CHRD: variants seen among roughly 807,000 people sequenced by gnomAD.
The protein encoded by CHRD is chordin.
In CHRD, 69 loss-of-function variants were observed where a neutral mutation model predicts 113.7. That is an observed-to-expected ratio of 0.61 (90% CI 0.50 to 0.74). CHRD has a LOEUF of 0.74. Ranked by LOEUF, CHRD falls within the 30% of genes least tolerant of loss-of-function variation. CHRD has a pLI of 0.00. For missense variants in CHRD, 1,194 were observed against 1,295.8 expected (o/e 0.92, Z 1.21); for synonymous variants, 561 against 540.8 (o/e 1.04, Z -0.52).
chr3:184,381,910 C>T lies in CHRD; in HGVS notation c.612-23C>T. 1 of 1,613,922 alleles carries T rather than the reference C, an allele frequency of 6.2e-7. No individual in the cohort carries two copies. The highest frequency in any genetic ancestry group is 8.5e-7 in the Non-Finnish European group (1 of 1,179,996). On this transcript the variant is annotated intron_variant, in intron 5 of 22. Transcript: ENST00000204604. This position sits in a 1 kb window ranked among gnomAD's most constrained non-coding sequence, Gnocchi z 4.7. ...GGGGCTGCTTTTGGCTCAGTCCGGC[C>T]TCACCCGACCTCTCATTCCCAGGCT...
rs372090271 is a variant in CHRD, at chr3:184,387,145, G to A, written c.2347+38G>A. ...GGTGCGTGCAGGGTGGGAGGCCCCA[G>A]AGGAGCCATTAGGTTGAACCAGGAG... On this transcript the variant is annotated intron_variant, in intron 18 of 22. Transcript: ENST00000204604. The surrounding 1 kb of genome is among the most constrained non-coding windows in gnomAD (Gnocchi z 6.1). 103 of 1,592,394 alleles carry A rather than the reference G, an allele frequency of 6.5e-5. No individual in the cohort carries two copies. The African/African-American group carries it at 1.1e-3, about 17-fold the overall frequency.
At position 184,380,748 on chromosome 3, in the gene CHRD, G is replaced by A. The variant is rs766189404; in HGVS notation, c.205G>A (p.Gly69Arg). ...GGACGAGACGTGGCACCCGGACCTA[G>A]GGGAGCCATTCGGGGTGATGCGCTG... The change falls in exon 2 of 23, where the codon GGG becomes AGG. Residue 69 changes from glycine to arginine, a missense_variant. Transcript: ENST00000204604. This position sits in a 1 kb window ranked among gnomAD's most constrained non-coding sequence, Gnocchi z 6.3. 1 of 1,600,452 alleles carries A rather than the reference G, an allele frequency of 6.2e-7. No individual in the cohort carries two copies. Among genetic ancestry groups the A allele is most frequent in the South Asian group, 1.1e-5 (1 of 90,264 alleles).
Position 184,380,870 on chromosome 3 carries a change from C to A in CHRD, c.252+75C>A, listed in dbSNP as rs1224614090. The A allele has an allele frequency of 2.6e-6, 3 of 1,152,732 alleles. No homozygotes were observed. Among genetic ancestry groups the A allele is most frequent in the Non-Finnish European group, 3.7e-6 (3 of 815,700 alleles). 71.4% of individuals were successfully genotyped at this position (1,152,732 alleles called of 1,614,324 possible). ...GGTCGCGCGGGCGTCGGAGTGGACT[C>A]GGAGCTGCTGAGAAGGAGCCCAGTC... On this transcript the variant is annotated intron_variant, in intron 2 of 22. Transcript: ENST00000204604. The surrounding 1 kb of genome is among the most constrained non-coding windows in gnomAD (Gnocchi z 6.3).
In CHRD at chr3:184,383,296, T is replaced by C; in HGVS notation, c.1214-16T>C. The C allele has an allele frequency of 6.2e-7, 1 of 1,610,148 alleles. No homozygotes were observed. On this transcript the variant is annotated splice_polypyrimidine_tract_variant and intron_variant, in intron 10 of 22. Transcript: ENST00000204604. ...CATGGGGTAAACCTAGCCTCACCTG[T>C]CTTGCCCCTCCGTAGTCCTGCAAAG...
At position 184,388,885 on chromosome 3, in the gene CHRD, T is replaced by C. The variant is rs967233860; in HGVS notation, c.2710-8T>C. 6.2e-7 allele frequency: 1 copy of C among 1,612,252 alleles called. No homozygotes were observed. ...GGGACACTCAGTGTCTGCTCTGTCT[T>C]GTACCAGGCAGGGGTGCCTCACTGT... On this transcript the variant is annotated splice_polypyrimidine_tract_variant and splice_region_variant and intron_variant, in intron 21 of 22. Transcript: ENST00000204604. This position sits in a 1 kb window ranked among gnomAD's most constrained non-coding sequence, Gnocchi z 6.1.
Position 184,388,766 on chromosome 3 carries a change from T to A in CHRD, c.2709+25T>A. On this transcript the variant is annotated intron_variant, in intron 21 of 22. Transcript: ENST00000204604. The surrounding 1 kb of genome is among the most constrained non-coding windows in gnomAD (Gnocchi z 6.1). ...GGTAAGTGGGGAGCAGAGGCTTGTG[T>A]GAGGTGGGTACTGGGAGCCTGGTCT... The A allele has an allele frequency of 6.2e-7, 1 of 1,612,832 alleles. No individual in the cohort carries two copies. Among genetic ancestry groups the A allele is most frequent in the Non-Finnish European group, 8.5e-7 (1 of 1,179,282 alleles).
At chr3:184,385,638 C>T (rs1036228041) in intron 14 of CHRD, among the ~76,000 whole-genome samples, 2 of 130,792 alleles carry the variant, frequency 1.5e-5, no homozygotes, top group African/African-American at 2.9e-5. Context: ...TGCACTCCAG[C>T]CTGGACAGAA....
rs3064288 is a variant in CHRD, at chr3:184,388,237, GTCCATCCATCCATCCATCCATCCATCCA to G, written c.2554+224_2554+251del. On this transcript the variant is annotated intron_variant, in intron 20 of 22. Coordinates refer to ENST00000204604, the Ensembl canonical transcript of CHRD. This position sits in a 1 kb window ranked among gnomAD's most constrained non-coding sequence, Gnocchi z 6.1. Reference sequence around the variant, plus strand: ...GTTCTGGTTCCTGCTCCATCCATCCGTCCATCCATCCATCCATCCATCCATCCATCCATCCATCCATCCATCCGTCCAT... The same window carrying G: ...GTTCTGGTTCCTGCTCCATCCATCCGTCCATCCATCCATCCATCCGTCCAT... Among the ~76,000 whole-genome samples the G allele has an allele frequency of 7.2e-6, 1 of 137,958 alleles. No individual in the cohort carries two copies. Among genetic ancestry groups the G allele is most frequent in the East Asian group, 2.3e-4 (1 of 4,426 alleles). 90.5% of individuals were successfully genotyped at this position (137,958 alleles called of 152,430 possible).
rs1560312042 is a variant in CHRD at position 184,387,230 on chromosome 3, G to A, written c.2347+123G>A. 2.4e-6 allele frequency: 3 copies of A among 1,266,530 alleles called. No individual in the cohort carries two copies. Among genetic ancestry groups the A allele is most frequent in the Non-Finnish European group, 3.4e-6 (3 of 884,934 alleles). 78.5% of individuals were successfully genotyped at this position (1,266,530 alleles called of 1,614,324 possible). ...CTGAGGGGCACAGATTCCAAGTGAT[G>A]CCTGACAGGACTCATTAGTGTTACT... On this transcript the variant is annotated intron_variant, in intron 18 of 22. Coordinates refer to ENST00000204604, the Ensembl canonical transcript of CHRD. This position sits in a 1 kb window ranked among gnomAD's most constrained non-coding sequence, Gnocchi z 6.1.
chr3:184,387,859 A>C lies in CHRD; in HGVS notation c.2452-72A>C. On this transcript the variant is annotated intron_variant, in intron 19 of 22. Coordinates refer to ENST00000204604, the Ensembl canonical transcript of CHRD. The surrounding 1 kb of genome is among the most constrained non-coding windows in gnomAD (Gnocchi z 6.1). ...CAGAGAGACTGCATTTGAGGTGTGG[A>C]ATAGGAGAGGGAGTGGGCAGGAGGC... The C allele has an allele frequency of 2.2e-6, 3 of 1,335,718 alleles. No homozygotes were observed. The highest frequency in any genetic ancestry group is 3.2e-6 in the Non-Finnish European group (3 of 946,574). The allele number at this position is 1,335,718 out of a possible 1,614,324, so 82.7% of individuals were successfully genotyped here. A position where few individuals can be genotyped will look rare whatever the true frequency, so the allele number is the denominator to read the frequency against.
At chr3:184,382,469 A>T in exon 7 of CHRD, 1 of 1,613,344 alleles carries the variant, frequency 6.2e-7, no homozygotes, top group Non-Finnish European at 8.5e-7. Context: ...CACTTGTGAC[A>T]CTCACTCACC....
chr3:184,382,119 A>G, intron 6 of CHRD, 99 bp downstream of exon 6: 1 of 1,484,272 alleles, frequency 6.7e-7, no homozygotes, highest in South Asian at 1.2e-5. Flanking sequence ...GCCCAGTGGG[A>G]GGAAGGCACT....
chr3:184,386,396 C>T, intron 15 of CHRD, 96 bp from the exon 16 acceptor site: 2 of 1,486,086 alleles, frequency 1.3e-6, no homozygotes, highest in South Asian at 1.3e-5. Context: ...CTGCAGCGCT[C>T]AGGGGGCCGA....
chr3:184,388,820 C>T lies in CHRD; in HGVS notation c.2710-73C>T. On this transcript the variant is annotated intron_variant, in intron 21 of 22. Coordinates refer to ENST00000204604, the Ensembl canonical transcript of CHRD. This position sits in a 1 kb window ranked among gnomAD's most constrained non-coding sequence, Gnocchi z 6.1. Reference sequence around the variant, plus strand: ...GTAGGGAGACCTTCCCAGGGAGGTCCCTGAAGAAGCTGAAGGTCACTGTGT... The same window carrying T: ...GTAGGGAGACCTTCCCAGGGAGGTCTCTGAAGAAGCTGAAGGTCACTGTGT... 15 of 1,603,400 alleles carry T rather than the reference C, an allele frequency of 9.4e-6. No individual in the cohort carries two copies. Among genetic ancestry groups the T allele is most frequent in the Non-Finnish European group, 1.3e-5 (15 of 1,171,972 alleles).
At chr3:184,386,399 G>GTCTCCT in intron 15 of CHRD, 93 bp from the exon 16 acceptor site, 1 of 1,493,348 alleles carries the variant, frequency 6.7e-7, no homozygotes, top group Non-Finnish European at 8.9e-7. Context: ...CAGCGCTCAG[G>GTCTCCT]GGGCCGAGGT....
chr3:184,381,780 G>GCGCT lies in CHRD; in HGVS notation c.578_581dup (p.Ser195LeufsTer2). The GCGCT allele has an allele frequency of 6.2e-7, 1 of 1,613,276 alleles. No individual in the cohort carries two copies. Among genetic ancestry groups the GCGCT allele is most frequent in the Non-Finnish European group, 8.5e-7 (1 of 1,179,946 alleles). On this transcript the variant is annotated frameshift_variant, in exon 5 of 23. Transcript: ENST00000204604. LOFTEE classifies it high-confidence loss of function. The surrounding 1 kb of genome is among the most constrained non-coding windows in gnomAD (Gnocchi z 4.7). ...TGGCACGAGCCCGAGTCTCGCTGCT[G>GCGCT]CGCTCTAGCCTCCGCTTCTCTATCT...
At position 184,388,421 on chromosome 3, in the gene CHRD, A is replaced by G. The variant is rs1296555501; in HGVS notation, c.2555-166A>G. Among the ~76,000 whole-genome samples the G allele has an allele frequency of 7.3e-6, 1 of 136,270 alleles. No homozygotes were observed. The highest frequency in any genetic ancestry group is 2.6e-5 in the African/African-American group (1 of 38,890). 89.4% of individuals were successfully genotyped at this position (136,270 alleles called of 152,430 possible). On this transcript the variant is annotated intron_variant, in intron 20 of 22. Transcript: ENST00000204604. The surrounding 1 kb of genome is among the most constrained non-coding windows in gnomAD (Gnocchi z 6.1). ...CATCCATCCATCCATCCATCCATCC[A>G]TCCATCCATCCGTCCCTTCATCCAT...
chr3:184,386,898 C>G, exon 17 of CHRD: 1 of 1,614,230 alleles, frequency 6.2e-7, no homozygotes, highest in East Asian at 2.2e-5. Context: ...GCTGCCCACA[C>G]CCGGTGCAGG....
Position 184,384,548 on chromosome 3 carries a change from C to T in CHRD, c.1452C>T (p.Ile484=). Residue 484 remains isoleucine, a synonymous_variant, in exon 13 of 23, where the codon ATC becomes ATT. Transcript: ENST00000204604. The surrounding 1 kb of genome is among the most constrained non-coding windows in gnomAD (Gnocchi z 4.4). ...TCCCCTGCCCCCAGGCCGTGGGTAT[C>T]TGCCCTGGGCTGGGTGCCCGAGGGG... 1.3e-6 allele frequency: 2 copies of T among 1,548,488 alleles called. No homozygotes were observed. Among genetic ancestry groups the T allele is most frequent in the South Asian group, 1.2e-5 (1 of 81,236 alleles).
Sources: gnomAD v4.1 joint callset for allele counts (sites outside exome capture counted in the v4.1 genomes callset) on GRCh38, gnomAD v4.1.1 for gene constraint, Gnocchi (gnomAD v3.1) non-coding constraint, MANE v1.5 for transcripts, NCBI Gene and HGNC (gene_info 2026-07-23, HGNC 2026-07-21) for gene names.